The following CDKL1 variants were observed in gnomAD, a reference collection of about 807,000 sequenced individuals.
CDKL1 encodes cyclin-dependent kinase-like 1.
Under a neutral mutation model 42.0 loss-of-function variants are expected in CDKL1, and 41 were observed. The ratio of observed to expected loss-of-function variants is 0.98; its 90% CI spans 0.76 to 1.27. The LOEUF (loss-of-function observed/expected upper bound fraction) is 1.27. CDKL1 is among the 50% of genes most tolerant of loss of function. The pLI, the probability that CDKL1 is intolerant of heterozygous loss-of-function variation, is 0.00. For missense variants in CDKL1, 394 were observed against 428.4 expected (o/e 0.92, Z 0.71); for synonymous variants, 153 against 158.6 (o/e 0.96, Z 0.26).
At chr14:50,397,066 G>A, upstream of CDKL1, 2 of 1,333,126 alleles carry the variant, frequency 1.5e-6, no homozygotes, top group Non-Finnish European at 2.0e-6. Context: ...ACCGCGGGCC[G>A]AGTCCTGCTG....
chr14:50,341,265 C>A, intron 5 of CDKL1, 33 bp from the exon 6 acceptor site: 1 of 1,553,968 alleles, frequency 6.4e-7, no homozygotes. Context: ...AAACAAACAG[C>A]AGCGGAAGGC....
chr14:50,353,747 G>C (rs1250139766), intron 3 of CDKL1, among the ~76,000 whole-genome samples: 3 of 151,900 alleles, frequency 2.0e-5, no homozygotes, highest in Non-Finnish European at 2.9e-5. Flanking sequence ...AAAAAAAAAT[G>C]CAGCCTGGTG....
intron 2 of CDKL1, among the ~76,000 whole-genome samples, chr14:50,373,870 T>G (rs1595351965): frequency 6.6e-6 from 1 of 152,224 alleles, no homozygotes; most frequent in Non-Finnish European, 1.5e-5. Context: ...AGTTTGGCAG[T>G]TTCTTACAAA....
At position 50,328,928 on chromosome 14, in the gene CDKL1, C is replaced by CAGAT. The variant is rs1555337345; in HGVS notation, c.*1145_*1146insATCT. The CAGAT allele has an allele frequency of 6.8e-6, 1 of 146,542 alleles. No individual in the cohort carries two copies. The allele number at this position is 146,542 out of a possible 1,614,324, so 9.1% of individuals were successfully genotyped here. A position where few individuals can be genotyped will look rare whatever the true frequency, so the allele number is the denominator to read the frequency against. On this transcript the variant is annotated 3_prime_UTR_variant, in exon 10 of 10. Coordinates refer to ENST00000395834, the MANE Select transcript of CDKL1 (RefSeq NM_004196.7). ...GTTTTATATATATATATAAAAAACA[C>CAGAT]ATATATATATATGTGTGTGTGTGTC...
chr14:50,380,255 G>A, intron 2 of CDKL1: 1 of 530,404 alleles, frequency 1.9e-6, no homozygotes, highest in Non-Finnish European at 3.9e-6. Flanking sequence ...AGAAAATGCA[G>A]TGATGAGTAC....
intron 3 of CDKL1, among the ~76,000 whole-genome samples, chr14:50,352,357 T>G (rs2033929335): frequency 6.6e-6 from 1 of 152,022 alleles, no homozygotes; most frequent in Admixed American, 6.5e-5. Flanking sequence ...TAAATCCATA[T>G]CTTTGGTGAG....
chr14:50,340,999 T>C, intron 6 of CDKL1, 33 bp downstream of exon 6: 1 of 1,603,994 alleles, frequency 6.2e-7, no homozygotes, highest in Non-Finnish European at 8.5e-7. Context: ...AAATATCCAG[T>C]TTTCCAAAAG....
chr14:50,342,477 A>T, intron 4 of CDKL1: 2 of 1,224,608 alleles, frequency 1.6e-6, no homozygotes, highest in South Asian at 5.2e-5. Flanking sequence ...CGGTCTTAGC[A>T]GAGAAAAATA....
intron 7 of CDKL1, chr14:50,335,749 G>A: frequency 1.0e-6 from 1 of 985,268 alleles, no homozygotes; most frequent in Non-Finnish European, 1.2e-6. Context: ...GGAGTGACTG[G>A]CCAGGCTCAT....
chr14:50,392,930 T>C (rs968743736), intron 2 of CDKL1, among the ~76,000 whole-genome samples: 3 of 152,178 alleles, frequency 2.0e-5, no homozygotes, highest in Admixed American at 2.0e-4. Context: ...ATTAGATTCC[T>C]ATGTGCTCTT....
intron 2 of CDKL1, among the ~76,000 whole-genome samples, chr14:50,361,428 A>G (rs1485469740): frequency 6.6e-6 from 1 of 152,244 alleles, no homozygotes; most frequent in African/African-American, 2.4e-5. Context: ...CTATAACAAA[A>G]TACCTGAGAC....
At chr14:50,387,369 A>T (rs1222120820) in intron 2 of CDKL1, among the ~76,000 whole-genome samples, 1 of 151,964 alleles carries the variant, frequency 6.6e-6, no homozygotes, top group Non-Finnish European at 1.5e-5. Context: ...TAAAAATACA[A>T]GAAATTAGTT....
At chr14:50,356,073 C>CATTCTGAA (rs921194642) in intron 3 of CDKL1, among the ~76,000 whole-genome samples, 6 of 152,134 alleles carry the variant, frequency 3.9e-5, no homozygotes, top group African/African-American at 1.4e-4. Context: ...GATCACAGGA[C>CATTCTGAA]ATTCTGAGGG....
At chr14:50,334,691 T>TTTGA in intron 7 of CDKL1, 70 bp from the exon 8 acceptor site, 3 of 986,362 alleles carry the variant, frequency 3.0e-6, no homozygotes, top group Non-Finnish European at 4.9e-6. Flanking sequence ...AATTAAATCT[T>TTTGA]TTGATAGAAA....
chr14:50,378,251 AC>A (rs749235451), intron 2 of CDKL1: 1 of 1,366,142 alleles, frequency 7.3e-7, no homozygotes, highest in South Asian at 1.1e-5. Context: ...CTTAGATTCT[AC>A]CCCACCTCCT....
At position 50,359,138 on chromosome 14, in the gene CDKL1, A is replaced by G; in HGVS notation, c.180T>C (p.His60=). 1 of 1,607,452 alleles carries G rather than the reference A, an allele frequency of 6.2e-7. No homozygotes were observed. ...CTTCCAGGAGGTTAACAAGGTTGGG[A>G]TGCTTGAGTTGCTGAAAACACAAAA... ...REIRMLKQLK[H]PNLVNLLEVF... is the part of the protein sequence containing the mutation. Residue 60 remains histidine (H), a synonymous_variant, in exon 3 of 10, where the codon CAT becomes CAC. Transcript: ENST00000395834.
chr14:50,368,148 CAG>C lies in CDKL1; in HGVS notation c.169-9001_169-9000del, dbSNP rs1422815495. Among the ~76,000 whole-genome samples, 4 of 152,146 alleles carry C rather than the reference CAG, an allele frequency of 2.6e-5. No homozygotes were observed. The East Asian group carries it at 5.8e-4, about 22-fold the overall frequency. ...TAATTTTTAAAATTTTGTGTAGTGACAGGGTTTCGCTACGTTGCCCTGTCCGA... is the reference window on the plus strand; with the variant it reads ...TAATTTTTAAAATTTTGTGTAGTGACGGTTTCGCTACGTTGCCCTGTCCGA... On this transcript the variant is annotated intron_variant, in intron 2 of 9. Coordinates refer to ENST00000395834, the MANE Select transcript of CDKL1 (RefSeq NM_004196.7).
intron 2 of CDKL1, among the ~76,000 whole-genome samples, chr14:50,382,595 T>C (rs2034947348): frequency 2.2e-5 from 3 of 139,494 alleles, no homozygotes; most frequent in Non-Finnish European, 4.7e-5. Flanking sequence ...TCTTTCTCTC[T>C]CTCTTTTTTT....
At chr14:50,377,891 G>A (rs1233010218) in intron 2 of CDKL1, among the ~76,000 whole-genome samples, 1 of 152,176 alleles carries the variant, frequency 6.6e-6, no homozygotes, top group African/African-American at 2.4e-5. Flanking sequence ...GGCCTTGCTG[G>A]CAGTATTCAG....
Sources: gnomAD v4.1 joint callset for allele counts (sites outside exome capture counted in the v4.1 genomes callset) on GRCh38, gnomAD v4.1.1 for gene constraint, MANE v1.5 for transcripts, NCBI Gene and HGNC (gene_info 2026-07-23, HGNC 2026-07-21) for gene names.